Variants in CDH18 observed in about 807,000 individuals in gnomAD.
CDH18 encodes cadherin-18.
In CDH18, 31 loss-of-function variants were observed where a neutral mutation model predicts 67.9. That is an observed-to-expected ratio of 0.46 (90% CI 0.34 to 0.62). The LOEUF (loss-of-function observed/expected upper bound fraction) is 0.62. Ranked by LOEUF, CDH18 falls within the 20% of genes least tolerant of loss-of-function variation. CDH18 has a pLI of 0.01. For synonymous variants in CDH18, 362 were observed against 347.2 expected (o/e 1.04, Z -0.48); for missense variants, 890 against 975.5 (o/e 0.91, Z 1.17).
At chr5:19,795,702 T>C (rs773893206) in intron 3 of CDH18, among the ~76,000 whole-genome samples, 5 of 151,896 alleles carry the variant, frequency 3.3e-5, no homozygotes, top group Non-Finnish European at 5.9e-5. Flanking sequence ...TCACCTACTA[T>C]ACCAAGAACG....
intron 2 of CDH18, among the ~76,000 whole-genome samples, chr5:20,094,937 A>C (rs534772160): frequency 4.6e-5 from 7 of 152,202 alleles, no homozygotes; most frequent in Non-Finnish European, 1.0e-4. Flanking sequence ...CTGGATAAAG[A>C]AAATGTGGCA....
chr5:19,766,893 A>G (rs967208589), intron 3 of CDH18, among the ~76,000 whole-genome samples: 4 of 152,046 alleles, frequency 2.6e-5, no homozygotes, highest in Non-Finnish European at 4.4e-5. Flanking sequence ...ATACTTCCCT[A>G]TTATACTATC....
rs181480133 is a variant in CDH18, at chr5:19,845,430, A to G, written c.-256-6188T>C. On this transcript the variant is annotated intron_variant, in intron 2 of 12. Transcript: ENST00000382275. The stretch of plus-strand genomic sequence containing the variant: ...TTGTAGACTTGTTTTGTGGCCCAAC[A>G]CGTGATCTATCCTGGAAAATGGTTC... 5.3e-5 allele frequency among the ~76,000 whole-genome samples: 8 copies of G among 152,254 alleles called. No individual in the cohort carries two copies. The East Asian group carries it at 1.2e-3, about 22-fold the overall frequency.
intron 2 of CDH18, among the ~76,000 whole-genome samples, chr5:20,129,427 A>G (rs1447027782): frequency 2.0e-5 from 3 of 152,052 alleles, no homozygotes; most frequent in Non-Finnish European, 4.4e-5. Context: ...AAAATTTCCT[A>G]TTAATATGCT....
chr5:20,271,165 T>A (rs1361305022), intron 1 of CDH18, among the ~76,000 whole-genome samples: 1 of 151,828 alleles, frequency 6.6e-6, no homozygotes, highest in East Asian at 1.9e-4. Context: ...AATAAATAAA[T>A]AAAATAGAAA....
chr5:19,821,292 G>A (rs1779846490), intron 3 of CDH18, among the ~76,000 whole-genome samples: 1 of 151,138 alleles, frequency 6.6e-6, no homozygotes, highest in African/African-American at 2.4e-5. Flanking sequence ...GTACTACAGG[G>A]AATTTCAAAA....
chr5:20,425,866 G>A (rs1273297131), intron 1 of CDH18, among the ~76,000 whole-genome samples: 1 of 150,582 alleles, frequency 6.6e-6, no homozygotes, highest in Non-Finnish European at 1.5e-5. Context: ...TTTTATTGTT[G>A]TTGTTTTAAC....
chr5:20,397,785 TTAA>T (rs1745406003), intron 1 of CDH18, among the ~76,000 whole-genome samples: 1 of 152,210 alleles, frequency 6.6e-6, no homozygotes, highest in African/African-American at 2.4e-5. Flanking sequence ...TAAAAAACTA[TTAA>T]TGTGATAGCT....
Position 20,118,611 on chromosome 5 carries a change from T to C in CDH18, c.-517-126597A>G, listed in dbSNP as rs374690710. On this transcript the variant is annotated intron_variant, in intron 2 of 14. Transcript: ENST00000507958. ...CTTACCATCTACAGTTTGTAAGTAG[T>C]ACAGTCATATTAATTAAGGCATAGT... 1.6e-4 allele frequency among the ~76,000 whole-genome samples: 24 copies of C among 152,280 alleles called. No individual in the cohort carries two copies. In the East Asian group the frequency reaches 3.7e-3, roughly 23 times the overall value.
chr5:20,353,968 C>T (rs938958160), intron 1 of CDH18, among the ~76,000 whole-genome samples: 2 of 152,176 alleles, frequency 1.3e-5, no homozygotes, highest in Non-Finnish European at 2.9e-5. Flanking sequence ...TTAAACAAAT[C>T]ATTCTTTTTA....
chr5:20,197,655 T>G (rs1739091377), intron 2 of CDH18, among the ~76,000 whole-genome samples: 1 of 152,158 alleles, frequency 6.6e-6, no homozygotes, highest in African/African-American at 2.4e-5. Context: ...TCCTGAAATT[T>G]TGGCATGGCA....
chr5:20,155,168 A>G (rs562794440), intron 2 of CDH18, among the ~76,000 whole-genome samples: 1 of 152,214 alleles, frequency 6.6e-6, no homozygotes, highest in East Asian at 1.9e-4. Flanking sequence ...GAGTTTCTAA[A>G]TATTTTAAAT....
At chr5:19,620,328 GA>G (rs1012041598) in intron 5 of CDH18, among the ~76,000 whole-genome samples, 1 of 152,132 alleles carries the variant, frequency 6.6e-6, no homozygotes, top group African/African-American at 2.4e-5. Context: ...CACTCTATTA[GA>G]ATGTGAAAAG....
intron 5 of CDH18, among the ~76,000 whole-genome samples, chr5:19,681,826 A>C (rs1029858760): frequency 1.3e-5 from 2 of 152,056 alleles, no homozygotes; most frequent in African/African-American, 4.8e-5. Flanking sequence ...ATCATAAAAA[A>C]AATCTCTGTG....
chr5:20,255,690 A>G (rs1744182527), intron 1 of CDH18, among the ~76,000 whole-genome samples: 2 of 151,956 alleles, frequency 1.3e-5, no homozygotes, highest in African/African-American at 4.8e-5. Flanking sequence ...AGGGCATGAC[A>G]TTTTGAAACT....
intron 1 of CDH18, among the ~76,000 whole-genome samples, chr5:20,459,611 T>G (rs928888719): frequency 1.3e-5 from 2 of 152,186 alleles, no homozygotes; most frequent in Non-Finnish European, 2.9e-5. Context: ...CCTGCCTCTG[T>G]GTACTGAACA....
chr5:19,705,823 C>T (rs963127297), intron 5 of CDH18, among the ~76,000 whole-genome samples: 4 of 152,168 alleles, frequency 2.6e-5, no homozygotes, highest in African/African-American at 9.7e-5. Context: ...TCTTACTTGG[C>T]AAACCCATTT....
At position 19,517,254 on chromosome 5, in the gene CDH18, G is replaced by C. The variant is rs150128875; in HGVS notation, c.1512+3403C>G. ...TATGTGGAATATCTTTTTATATGCT[G>C]GTTGGCTCTTTCTATGTCCTTGTCA... On this transcript the variant is annotated intron_variant, in intron 10 of 12. Coordinates refer to ENST00000382275, the MANE Select transcript of CDH18 (RefSeq NM_004934.5). Among the ~76,000 whole-genome samples the C allele has an allele frequency of 5.2e-3, 789 of 152,098 alleles. 5 individuals are homozygous for C. The highest frequency in any genetic ancestry group is 9.4e-3 in the Non-Finnish European group (640 of 67,966).
intron 2 of CDH18, among the ~76,000 whole-genome samples, chr5:20,084,599 C>T (rs1744786665): frequency 6.6e-6 from 1 of 152,174 alleles, no homozygotes; most frequent in African/African-American, 2.4e-5. Context: ...TGGAGGTTCT[C>T]CATGAGAGCC....
Sources: gnomAD v4.1 joint callset for allele counts (sites outside exome capture counted in the v4.1 genomes callset) on GRCh38, gnomAD v4.1.1 for gene constraint, MANE v1.5 for transcripts, NCBI Gene and HGNC (gene_info 2026-07-23, HGNC 2026-07-21) for gene names.